CHCHD6: variants seen among roughly 807,000 people sequenced by gnomAD.
CHCHD6 encodes the protein MICOS complex subunit MIC25.
In CHCHD6, 28 loss-of-function variants were observed where a neutral mutation model predicts 32.3. That is an observed-to-expected ratio of 0.87 (90% CI 0.64 to 1.19). The LOEUF (loss-of-function observed/expected upper bound fraction) is 1.19. Among genes scored for constraint, CHCHD6 ranks in the 50% most tolerant of loss-of-function variants. The probability of loss-of-function intolerance (pLI) is 0.00; values close to 1 mark genes in which losing one functional copy is unlikely to be tolerated. For synonymous variants in CHCHD6, 122 were observed against 117.5 expected (o/e 1.04, Z -0.25); for missense variants, 333 against 307.0 (o/e 1.08, Z -0.63).
intron 1 of CHCHD6, among the ~76,000 whole-genome samples, chr3:126,709,878 A>T (rs1934672685): frequency 6.6e-6 from 1 of 152,148 alleles, no homozygotes; most frequent in Non-Finnish European, 1.5e-5. Flanking sequence ...TGTGCATAGT[A>T]GGTGTGTGTA....
chr3:126,943,994 G>C (rs185149980), intron 6 of CHCHD6, among the ~76,000 whole-genome samples: 1 of 152,358 alleles, frequency 6.6e-6, no homozygotes, highest in Non-Finnish European at 1.5e-5. Flanking sequence ...ACTCCTAGAA[G>C]ATAACATAGG....
At chr3:126,709,967 A>G (rs973229242) in intron 1 of CHCHD6, among the ~76,000 whole-genome samples, 1 of 152,240 alleles carries the variant, frequency 6.6e-6, no homozygotes, top group Non-Finnish European at 1.5e-5. Context: ...AGGTCCTGAC[A>G]CCAATCCTAC....
intron 6 of CHCHD6, among the ~76,000 whole-genome samples, chr3:126,939,980 A>G (rs1370122963): frequency 6.6e-6 from 1 of 152,206 alleles, no homozygotes; most frequent in Non-Finnish European, 1.5e-5. Context: ...GGAACTGTGC[A>G]TAGTCCTAGA....
chr3:126,804,700 G>A, intron 4 of CHCHD6, among the ~76,000 whole-genome samples: 1 of 152,126 alleles, frequency 6.6e-6, no homozygotes, highest in Non-Finnish European at 1.5e-5. Flanking sequence ...TTCATTTTAT[G>A]AGGCCAGCAT....
intron 5 of CHCHD6, among the ~76,000 whole-genome samples, chr3:126,884,313 T>A (rs1273541041): frequency 1.3e-5 from 2 of 152,216 alleles, no homozygotes; most frequent in African/African-American, 4.8e-5. Flanking sequence ...CAGCTGAGTC[T>A]TTTACACCCC....
chr3:126,751,098 A>G (rs1175625039), intron 4 of CHCHD6, among the ~76,000 whole-genome samples: 2 of 150,746 alleles, frequency 1.3e-5, no homozygotes, highest in Non-Finnish European at 2.9e-5. Context: ...AAAGGAATGT[A>G]TGTTTTTCTT....
chr3:126,857,758 T>C (rs1380743438), intron 5 of CHCHD6, among the ~76,000 whole-genome samples: 2 of 152,166 alleles, frequency 1.3e-5, no homozygotes, highest in African/African-American at 2.4e-5. Context: ...CATGATACCA[T>C]TGCACACTCG....
chr3:126,928,172 G>T (rs1005943764), intron 6 of CHCHD6, among the ~76,000 whole-genome samples: 3 of 152,276 alleles, frequency 2.0e-5, no homozygotes, highest in Admixed American at 6.5e-5. Flanking sequence ...TGTGGCAGAG[G>T]CTGGTGAGAC....
At chr3:126,918,980 A>G (rs1409988465) in intron 6 of CHCHD6, among the ~76,000 whole-genome samples, 1 of 152,156 alleles carries the variant, frequency 6.6e-6, no homozygotes, top group Non-Finnish European at 1.5e-5. Context: ...ATTTCAAAGT[A>G]TGTTGTTTAA....
intron 4 of CHCHD6, among the ~76,000 whole-genome samples, chr3:126,832,905 A>G (rs977380275): frequency 7.2e-5 from 11 of 152,334 alleles, no homozygotes; most frequent in African/African-American, 2.6e-4. Context: ...AGATATGGAA[A>G]GGGTGGGGAG....
At chr3:126,828,940 T>A (rs1229041696) in intron 4 of CHCHD6, among the ~76,000 whole-genome samples, 1 of 152,242 alleles carries the variant, frequency 6.6e-6, no homozygotes, top group African/African-American at 2.4e-5. Flanking sequence ...TTTTTGACTT[T>A]ATTTTTTTCC....
chr3:126,837,483 A>C (rs1217499788), intron 4 of CHCHD6, among the ~76,000 whole-genome samples: 2 of 152,198 alleles, frequency 1.3e-5, no homozygotes, highest in Admixed American at 6.5e-5. Flanking sequence ...GCTTGTGCCC[A>C]GGAGGTCGAG....
chr3:126,879,441 T>A (rs966019882), intron 5 of CHCHD6, among the ~76,000 whole-genome samples: 6 of 152,174 alleles, frequency 3.9e-5, no homozygotes, highest in Non-Finnish European at 5.9e-5. Flanking sequence ...GCCTATGTCA[T>A]TTTTTTACCA....
chr3:126,919,377 G>C (rs1576602610), intron 6 of CHCHD6, among the ~76,000 whole-genome samples: 1 of 141,610 alleles, frequency 7.1e-6, no homozygotes. Context: ...ACAGTAACAT[G>C]ATCACAGCTT....
chr3:126,865,636 C>T, intron 5 of CHCHD6: 1 of 985,356 alleles, frequency 1.0e-6, no homozygotes, highest in Non-Finnish European at 1.2e-6. Flanking sequence ...GCTGCTGCCC[C>T]CTCTCCCACC....
chr3:126,921,460 G>A (rs1245771167), intron 6 of CHCHD6, among the ~76,000 whole-genome samples: 1 of 152,084 alleles, frequency 6.6e-6, no homozygotes. Flanking sequence ...AAGACCCCAG[G>A]GAACCTCCTG....
At chr3:126,770,164 T>C (rs1012573319) in intron 4 of CHCHD6, among the ~76,000 whole-genome samples, 13 of 152,182 alleles carry the variant, frequency 8.5e-5, no homozygotes, top group African/African-American at 3.1e-4. Context: ...TGGTGTATAG[T>C]AATGCTACTG....
At chr3:126,828,806 A>G (rs982482440) in intron 4 of CHCHD6, among the ~76,000 whole-genome samples, 2 of 152,212 alleles carry the variant, frequency 1.3e-5, no homozygotes, top group Non-Finnish European at 2.9e-5. Flanking sequence ...AGGAGGCTGC[A>G]CTATTTGTAC....
intron 6 of CHCHD6, among the ~76,000 whole-genome samples, chr3:126,919,577 T>C (rs1231780741): frequency 2.0e-5 from 3 of 151,780 alleles, no homozygotes; most frequent in African/African-American, 7.3e-5. Context: ...GACTCTGAAA[T>C]TGCTGGGATT....
Sources: gnomAD v4.1 joint callset for allele counts (sites outside exome capture counted in the v4.1 genomes callset) on GRCh38, gnomAD v4.1.1 for gene constraint, MANE v1.5 for transcripts, NCBI Gene and HGNC (gene_info 2026-07-23, HGNC 2026-07-21) for gene names.